The following CCDC88A variants were observed in gnomAD, a reference collection of about 807,000 sequenced individuals.
CCDC88A encodes coiled-coil and HOOK domain protein 88A, also known as girdin.
Under a neutral mutation model 234.3 loss-of-function variants are expected in CCDC88A, and 54 were observed. The observed-to-expected ratio is 0.23, with a 90% confidence interval of 0.19 to 0.29. CCDC88A has a LOEUF of 0.29. Among genes scored for constraint, CCDC88A ranks in the 10% least tolerant of loss-of-function variants. CCDC88A has a pLI of 1.00. For missense variants in CCDC88A, 1,832 were observed against 2,123.4 expected (o/e 0.86, Z 2.70); for synonymous variants, 753 against 737.8 (o/e 1.02, Z -0.33).
chr2:55,366,100 C>A (rs1432115163), intron 5 of CCDC88A, among the ~76,000 whole-genome samples: 1 of 152,058 alleles, frequency 6.6e-6, no homozygotes, highest in Admixed American at 6.6e-5. Flanking sequence ...ATTGTTTTTT[C>A]CAATTAAAAT....
chr2:55,332,382 A>C lies in CCDC88A; in HGVS notation c.2855+184T>G, dbSNP rs1386399445. ...GGTGATCCGCCCGCTTCAGCCTCCC[A>C]AAGTGCTGGGATTATAGGTGTGAGC... On this transcript the variant is annotated intron_variant, in intron 16 of 32. Coordinates refer to ENST00000436346, the MANE Select transcript of CCDC88A (RefSeq NM_001365480.1). The surrounding 1 kb of genome is among the most constrained non-coding windows in gnomAD (Gnocchi z 4.5). 2.9e-6 allele frequency: 3 copies of C among 1,044,002 alleles called. No individual in the cohort carries two copies. Among genetic ancestry groups the C allele is most frequent in the Non-Finnish European group, 3.6e-6 (3 of 826,702 alleles). The allele number at this position is 1,044,002 out of a possible 1,614,324, so 64.7% of individuals were successfully genotyped here.
chr2:55,398,432 T>C (rs1372867435), intron 2 of CCDC88A, among the ~76,000 whole-genome samples: 1 of 152,178 alleles, frequency 6.6e-6, no homozygotes, highest in East Asian at 1.9e-4. Context: ...TTAAGCACTC[T>C]CGGCATGGAT....
chr2:55,352,664 T>A (rs1360606696), intron 8 of CCDC88A, among the ~76,000 whole-genome samples: 1 of 151,968 alleles, frequency 6.6e-6, no homozygotes, highest in African/African-American at 2.4e-5. Flanking sequence ...TTAAAGGGAG[T>A]CTTTGGTAGT....
chr2:55,375,552 G>C (rs1455607348), intron 3 of CCDC88A, among the ~76,000 whole-genome samples: 2 of 141,914 alleles, frequency 1.4e-5, no homozygotes, highest in African/African-American at 5.2e-5. Flanking sequence ...TTTTGAGATG[G>C]AGTCTCGCTC....
At chr2:55,380,061 TAAAAAAAAAAA>T (rs57314271) in intron 3 of CCDC88A, among the ~76,000 whole-genome samples, 19 of 75,368 alleles carry the variant, frequency 2.5e-4, no homozygotes, top group Admixed American at 2.2e-3. Context: ...CTGTCTCTAC[TAAAAAAAAAAA>T]AAAAAAAAAA....
Position 55,295,721 on chromosome 2 carries a change from G to C in CCDC88A, c.5427C>G (p.Ile1809Met). ...YATLPRASSVISTAEGTTRRT... is the reference protein window; with the variant it reads ...YATLPRASSVMSTAEGTTRRT... ...TTCGTGTAGTTCCTTCGGCAGTTGA[G>C]ATCACGCTGCTTGCACGAGGTAAAG... The change falls in exon 31 of 33, where the codon ATC becomes ATG. Residue 1809 changes from isoleucine (I) to methionine (M), a missense_variant. Transcript: ENST00000436346. The C allele has an allele frequency of 6.2e-7, 1 of 1,614,192 alleles. No individual in the cohort carries two copies. The highest frequency in any genetic ancestry group is 8.5e-7 in the Non-Finnish European group (1 of 1,180,026).
intron 2 of CCDC88A, among the ~76,000 whole-genome samples, chr2:55,416,267 T>C (rs1293384236): frequency 1.3e-5 from 2 of 150,734 alleles, no homozygotes; most frequent in Non-Finnish European, 1.5e-5. Flanking sequence ...CTAAACATTA[T>C]AGAAGAAAAA....
At position 55,339,602 on chromosome 2, in the gene CCDC88A, A is replaced by G. The variant is rs751318337; in HGVS notation, c.1380T>C (p.Ser460=). The G allele has an allele frequency of 6.8e-6, 11 of 1,613,314 alleles. No individual in the cohort carries two copies. The Admixed American group carries it at 1.5e-4, about 22-fold the overall frequency. The part of the protein sequence containing the change: ...LGHEVNELTS[S]RLLKLEMENQ... The stretch of plus-strand genomic sequence containing the variant: ...TTTCCATCTCTAGCTTCAATAATCT[A>G]CTTGATGTCAACTCATTCACCTCAT... Residue 460 remains serine, a synonymous_variant, in exon 13 of 33, where the codon AGT becomes AGC. Coordinates refer to ENST00000436346, the MANE Select transcript of CCDC88A (RefSeq NM_001365480.1).
chr2:55,289,967 T>C lies in CCDC88A; in HGVS notation c.*1233A>G, dbSNP rs1024852873. On this transcript the variant is annotated 3_prime_UTR_variant, in exon 33 of 33. Transcript: ENST00000436346. Reference sequence around the variant, plus strand: ...TCAGTATGTTTCTCATTTCAGACCTTGAAGATTACTCTGATATTGATGTTA... The same window carrying C: ...TCAGTATGTTTCTCATTTCAGACCTCGAAGATTACTCTGATATTGATGTTA... 5 of 152,724 alleles carry C rather than the reference T, an allele frequency of 3.3e-5. No individual in the cohort carries two copies. Among genetic ancestry groups the C allele is most frequent in the Admixed American group, 2.6e-4 (4 of 15,282 alleles). The allele number at this position is 152,724 out of a possible 1,614,324, so 9.5% of individuals were successfully genotyped here. A position where few individuals can be genotyped will look rare whatever the true frequency, so the allele number is the denominator to read the frequency against.
intron 28 of CCDC88A, chr2:55,300,934 T>G: frequency 3.2e-6 from 1 of 310,356 alleles, no homozygotes; most frequent in Non-Finnish European, 5.8e-6. Context: ...TTTAATCTTA[T>G]ACAAAAATGG....
chr2:55,343,559 T>C, intron 12 of CCDC88A, 89 bp downstream of exon 12: 1 of 949,740 alleles, frequency 1.1e-6, no homozygotes, highest in African/African-American at 1.7e-5. Context: ...CTGAGATATC[T>C]CCCACTGCGG....
At chr2:55,409,765 CAG>C (rs1680171069) in intron 2 of CCDC88A, among the ~76,000 whole-genome samples, 1 of 64,900 alleles carries the variant, frequency 1.5e-5, no homozygotes, top group Admixed American at 1.3e-4. Flanking sequence ...TTTTTTCAGA[CAG>C]AGTCTCACTG....
rs541394179 is a variant in CCDC88A at position 55,390,196 on chromosome 2, T to C, written c.165-1310A>G. Among the ~76,000 whole-genome samples the C allele has an allele frequency of 2.9e-4, 44 of 152,224 alleles. No homozygotes were observed. In the South Asian group the frequency reaches 8.7e-3, roughly 30 times the overall value. On this transcript the variant is annotated intron_variant, in intron 2 of 32. Coordinates refer to ENST00000436346, the MANE Select transcript of CCDC88A (RefSeq NM_001365480.1). ...GTTTTACTATTTTTGTGTATCTCTT[T>C]AATGCGTGGTTTAACTTTTAAAAAA...
At position 55,332,760 on chromosome 2, in the gene CCDC88A, A is replaced by G. The variant is rs1019082626; in HGVS notation, c.2728-67T>C. On this transcript the variant is annotated intron_variant, in intron 15 of 32. Coordinates refer to ENST00000436346, the MANE Select transcript of CCDC88A (RefSeq NM_001365480.1). The surrounding 1 kb of genome is among the most constrained non-coding windows in gnomAD (Gnocchi z 4.5). ...GTATAAACATCTAAGAAAGTCAGCT[A>G]AGATTCTAATTACCACCATCTAGGA... 17 of 1,415,168 alleles carry G rather than the reference A, an allele frequency of 1.2e-5. No individual in the cohort carries two copies. The African/African-American group carries it at 1.3e-4, about 11-fold the overall frequency. 87.7% of individuals were successfully genotyped at this position (1,415,168 alleles called of 1,614,324 possible).
intron 12 of CCDC88A, among the ~76,000 whole-genome samples, chr2:55,340,570 T>A (rs940042169): frequency 1.3e-5 from 2 of 152,250 alleles, no homozygotes; most frequent in African/African-American, 4.8e-5. Flanking sequence ...GTCTTTTTTT[T>A]AATTAAAAGA....
chr2:55,294,537 A>G (rs758860732), intron 31 of CCDC88A: 53 of 980,296 alleles, frequency 5.4e-5, no homozygotes, highest in Non-Finnish European at 6.4e-5. Context: ...ATTAAATGAC[A>G]AAAGAAAACA....
At chr2:55,410,096 C>A (rs1396042252) in intron 2 of CCDC88A, among the ~76,000 whole-genome samples, 2 of 152,040 alleles carry the variant, frequency 1.3e-5, no homozygotes, top group Non-Finnish European at 2.9e-5. Flanking sequence ...AATTTCTTGC[C>A]CAAGCACTTC....
intron 3 of CCDC88A, among the ~76,000 whole-genome samples, chr2:55,377,460 A>ATT (rs11413541): frequency 2.7e-5 from 4 of 149,708 alleles, no homozygotes; most frequent in East Asian, 2.0e-4. Flanking sequence ...GCCCAGCGAG[A>ATT]TTTTTTTTTT....
chr2:55,390,323 C>T (rs927520120), intron 2 of CCDC88A, among the ~76,000 whole-genome samples: 40 of 152,136 alleles, frequency 2.6e-4, no homozygotes, highest in African/African-American at 8.9e-4. Flanking sequence ...GTGGGAAGAC[C>T]CTATGGATCC....
Sources: allele counts gnomAD v4.1 joint callset (sites outside exome capture counted in the v4.1 genomes callset), GRCh38; gene constraint gnomAD v4.1.1; non-coding constraint Gnocchi (gnomAD v3.1); transcripts MANE v1.5; gene names NCBI Gene and HGNC (gene_info 2026-07-23, HGNC 2026-07-21).